PRIMPOL: variants seen among roughly 807,000 people sequenced by gnomAD.
PRIMPOL encodes primase and DNA directed polymerase.
Under a neutral mutation model 63.6 loss-of-function variants are expected in PRIMPOL, and 54 were observed. The ratio of observed to expected loss-of-function variants is 0.85; its 90% CI spans 0.68 to 1.07. The LOEUF (loss-of-function observed/expected upper bound fraction) is 1.07. Among genes scored for constraint, PRIMPOL ranks in the 50% least tolerant of loss-of-function variants. The pLI is 0.00. For synonymous variants in PRIMPOL, 197 were observed against 220.2 expected (o/e 0.89, Z 0.93); for missense variants, 610 against 648.3 (o/e 0.94, Z 0.64).
chr4:184,681,772 C>T (rs951527278), intron 8 of PRIMPOL, among the ~76,000 whole-genome samples: 1 of 152,120 alleles, frequency 6.6e-6, no homozygotes, highest in Non-Finnish European at 1.5e-5. Context: ...AGGGGTTTCA[C>T]TATGTTGGCC....
chr4:184,675,673 C>T (rs376271690), intron 7 of PRIMPOL, among the ~76,000 whole-genome samples: 20 of 152,116 alleles, frequency 1.3e-4, no homozygotes, highest in Non-Finnish European at 1.9e-4. Flanking sequence ...AAAAATTAGC[C>T]GGGCATGGTG....
At chr4:184,685,192 C>T (rs1023311241) in intron 9 of PRIMPOL, among the ~76,000 whole-genome samples, 10 of 152,062 alleles carry the variant, frequency 6.6e-5, no homozygotes, top group South Asian at 2.1e-4. Context: ...TTATTTCAAA[C>T]GCTTTTTATG....
At chr4:184,659,962 A>G (rs1747815447) in intron 4 of PRIMPOL, among the ~76,000 whole-genome samples, 1 of 151,998 alleles carries the variant, frequency 6.6e-6, no homozygotes, top group Admixed American at 6.6e-5. Context: ...CTGGGATTAC[A>G]GGTGCCCACC....
rs368946806 is a variant in PRIMPOL at position 184,682,355 on chromosome 4, G to A, written c.1096+19G>A. On this transcript the variant is annotated intron_variant, in intron 9 of 13. Transcript: ENST00000314970. The stretch of plus-strand genomic sequence containing the variant: ...ACTTCAGGTAAATTTTTTGATGTTT[G>A]TTTTTCTTTTTGAGACAGCATCTCT... 4.3e-6 allele frequency: 6 copies of A among 1,408,650 alleles called. No individual in the cohort carries two copies. The highest frequency in any genetic ancestry group is 6.0e-6 in the Non-Finnish European group (6 of 995,030). The allele number at this position is 1,408,650 out of a possible 1,614,324, so 87.3% of individuals were successfully genotyped here.
At chr4:184,674,328 A>C (rs1175010343) in intron 7 of PRIMPOL, among the ~76,000 whole-genome samples, 1 of 152,182 alleles carries the variant, frequency 6.6e-6, no homozygotes, top group African/African-American at 2.4e-5. Context: ...ATTTATACAG[A>C]AAAATATGTA....
At chr4:184,694,244 C>A in intron 13 of PRIMPOL, 2 of 1,129,070 alleles carry the variant, frequency 1.8e-6, no homozygotes, top group Non-Finnish European at 2.2e-6. Context: ...TTAAATCCAC[C>A]CTTGCTCTTC....
intron 6 of PRIMPOL, among the ~76,000 whole-genome samples, chr4:184,670,230 A>G (rs1360429425): frequency 1.3e-5 from 2 of 152,198 alleles, no homozygotes; most frequent in African/African-American, 4.8e-5. Flanking sequence ...CAGGGTTCCA[A>G]GACCTGTGGC....
chr4:184,675,802 G>GT (rs1753148328), intron 7 of PRIMPOL, among the ~76,000 whole-genome samples: 1 of 152,146 alleles, frequency 6.6e-6, no homozygotes, highest in Non-Finnish European at 1.5e-5. Context: ...GGGCAACAGA[G>GT]TAAGACTCAG....
chr4:184,675,074 A>G (rs1010622130), intron 7 of PRIMPOL, among the ~76,000 whole-genome samples: 3 of 152,228 alleles, frequency 2.0e-5, no homozygotes, highest in Admixed American at 6.5e-5. Context: ...AGCGCAATTG[A>G]TTGGTGCGAT....
chr4:184,663,887 C>G (rs1425380764), intron 5 of PRIMPOL, among the ~76,000 whole-genome samples: 1 of 152,108 alleles, frequency 6.6e-6, no homozygotes, highest in East Asian at 1.9e-4. Flanking sequence ...TTGAGTCTTA[C>G]TGTGAGGAGG....
At chr4:184,679,698 C>T (rs946664215) in intron 8 of PRIMPOL, among the ~76,000 whole-genome samples, 4 of 152,224 alleles carry the variant, frequency 2.6e-5, no homozygotes, top group Middle Eastern at 3.4e-3. Flanking sequence ...GGCGAGCGAG[C>T]GAGCAATACC....
chr4:184,678,175 T>G lies in PRIMPOL; in HGVS notation c.845-57T>G, dbSNP rs76263625. ...ATATAAAAACTTAATATTTGCTGAC[T>G]ATGAAACTAATAACAGAAAACATGC... On this transcript the variant is annotated intron_variant, in intron 7 of 13. Coordinates refer to ENST00000314970, the MANE Select transcript of PRIMPOL (RefSeq NM_152683.4). 11,113 of 1,157,522 alleles carry G rather than the reference T, an allele frequency of 9.6e-3. 798 individuals carry two copies. In the African/African-American group the frequency reaches 0.15, roughly 16 times the overall value. 71.7% of individuals were successfully genotyped at this position (1,157,522 alleles called of 1,614,324 possible).
chr4:184,663,612 C>A (rs1005570886), intron 5 of PRIMPOL, among the ~76,000 whole-genome samples: 1 of 152,158 alleles, frequency 6.6e-6, no homozygotes, highest in African/African-American at 2.4e-5. Flanking sequence ...GAATTTTTTT[C>A]TCCTTATTCT....
rs1385608346 is a variant in PRIMPOL, at chr4:184,672,326, A to G, written c.710A>G (p.Lys237Arg). ...GFSFNKMFTEKATEESWTSNS... is the reference protein window; with the variant it reads ...GFSFNKMFTERATEESWTSNS... ...TCTTTCAATAAAATGTTCACAGAAA[A>G]GGCTACAGAGGAAAGCTGGACATCG... The change falls in exon 7 of 14, where the codon AAG becomes AGG. Residue 237 changes from lysine (K) to arginine (R), a missense_variant. Physicochemically the swap from Lys to Arg is conservative, Grantham distance 26. Around this residue, in one of 3 missense-constraint regions of PRIMPOL, gnomAD observed 444 missense variants for 456.4 expected, o/e 0.97. Coordinates refer to ENST00000314970, the MANE Select transcript of PRIMPOL (RefSeq NM_152683.4). 4.3e-6 allele frequency: 7 copies of G among 1,614,170 alleles called. No homozygotes were observed. Among genetic ancestry groups the G allele is most frequent in the South Asian group, 1.1e-5 (1 of 91,084 alleles).
rs778905221 is a variant in PRIMPOL at position 184,694,490 on chromosome 4, C to T, written c.1426-32C>T. Reference sequence around the variant, plus strand: ...TATCCTGAGTAAATATTTTCCTATCCCACTCTCTATCCCTTCACCACTGAA... The same window carrying T: ...TATCCTGAGTAAATATTTTCCTATCTCACTCTCTATCCCTTCACCACTGAA... On this transcript the variant is annotated intron_variant, in intron 13 of 13. Coordinates refer to ENST00000314970, the MANE Select transcript of PRIMPOL (RefSeq NM_152683.4). 13 of 1,595,294 alleles carry T rather than the reference C, an allele frequency of 8.1e-6. No individual in the cohort carries two copies. The South Asian group carries it at 1.4e-4, about 18-fold the overall frequency.
intron 9 of PRIMPOL, 84 bp downstream of exon 9, chr4:184,682,420 C>CA: frequency 4.3e-6 from 3 of 702,536 alleles, no homozygotes; most frequent in Non-Finnish European, 7.6e-6. Flanking sequence ...GCGATCTCGG[C>CA]TCACTGCAGC....
intron 1 of PRIMPOL, among the ~76,000 whole-genome samples, chr4:184,650,237 A>G (rs1743821962): frequency 6.6e-6 from 1 of 152,256 alleles, no homozygotes; most frequent in African/African-American, 2.4e-5. Context: ...TAAGCATCCC[A>G]CAACAAAGTA....
intron 1 of PRIMPOL, among the ~76,000 whole-genome samples, chr4:184,651,760 T>C (rs2720384): frequency 0.97 from 147,390 of 152,118 alleles, 71,605 homozygotes; most frequent in East Asian, 1. Flanking sequence ...ATGATTCTCC[T>C]GCCTCAGCCT....
At chr4:184,658,261 GTT>G (rs1212898494) in intron 3 of PRIMPOL, among the ~76,000 whole-genome samples, 1 of 152,068 alleles carries the variant, frequency 6.6e-6, no homozygotes, top group African/African-American at 2.4e-5. Flanking sequence ...CATGAGAATG[GTT>G]TAAGAAATAC....
Sources: allele counts gnomAD v4.1 joint callset (sites outside exome capture counted in the v4.1 genomes callset), GRCh38; gene constraint gnomAD v4.1.1; regional missense constraint gnomAD v4.1.1; transcripts MANE v1.5; gene names NCBI Gene and HGNC (gene_info 2026-07-23, HGNC 2026-07-21).